The following NEK6 variants were observed in gnomAD, a reference collection of about 807,000 sequenced individuals.
NEK6 encodes serine/threonine-protein kinase Nek6.
In NEK6, 27 loss-of-function variants were observed where a neutral mutation model predicts 43.5. The ratio of observed to expected loss-of-function variants is 0.62; its 90% CI spans 0.46 to 0.86. The LOEUF is 0.86. Among genes scored for constraint, NEK6 ranks in the 40% least tolerant of loss-of-function variants. The probability of loss-of-function intolerance (pLI) is 0.00; values close to 1 mark genes in which losing one functional copy is unlikely to be tolerated. For missense variants in NEK6, 318 were observed against 414.4 expected, an observed-to-expected ratio of 0.77 and a Z score of 2.02; for synonymous variants, 167 against 164.1, an observed-to-expected ratio of 1.02 and a Z score of -0.14.
At chr9:124,321,951 A>C (rs1834086243) in intron 5 of NEK6, among the ~76,000 whole-genome samples, 1 of 152,224 alleles carries the variant, frequency 6.6e-6, no homozygotes, top group African/African-American at 2.4e-5. Flanking sequence ...CACATGAGCC[A>C]CTTCTCCTGC....
In NEK6 at chr9:124,346,178, G is replaced by T. The variant is rs117875182; in HGVS notation, c.718-1531G>T. 5.1e-3 allele frequency among the ~76,000 whole-genome samples: 780 copies of T among 152,298 alleles called. 1 individual carries two copies. Among genetic ancestry groups the T allele is most frequent in the Non-Finnish European group, 7.8e-3 (530 of 68,016 alleles). Reference sequence around the variant, plus strand: ...TGGTCCCGAGGGTGCTGAACCTGGGGCTGAGGAAAGCCCACAGTCTCCAGG... The same window carrying T: ...TGGTCCCGAGGGTGCTGAACCTGGGTCTGAGGAAAGCCCACAGTCTCCAGG... On this transcript the variant is annotated intron_variant, in intron 8 of 9. Transcript: ENST00000320246.
chr9:124,300,237 G>T (rs1358094813), intron 1 of NEK6: 1 of 152,192 alleles, frequency 6.6e-6, no homozygotes, highest in Non-Finnish European at 1.5e-5. Context: ...GGTCTGGTCG[G>T]CCCACCACTG....
Position 124,312,492 on chromosome 9 carries a change from T to C in NEK6, c.91-17T>C. 6.2e-7 allele frequency: 1 copy of C among 1,610,172 alleles called. No homozygotes were observed. The highest frequency in any genetic ancestry group is 1.1e-5 in the South Asian group (1 of 90,500). ...GCAGCCTGGCTGCTCACGGAGGCCC[T>C]CTGTCCCCCGTTCCAGAGGCATCCC... On this transcript the variant is annotated splice_polypyrimidine_tract_variant and intron_variant, in intron 2 of 9. Coordinates refer to ENST00000320246, the MANE Select transcript of NEK6 (RefSeq NM_014397.6).
At position 124,339,606 on chromosome 9, in the gene NEK6, C is replaced by T. The variant is rs755926840; in HGVS notation, c.658C>T (p.His220Tyr). The T allele has an allele frequency of 6.2e-7, 1 of 1,614,120 alleles. No individual in the cohort carries two copies. The highest frequency in any genetic ancestry group is 8.5e-7 in the Non-Finnish European group (1 of 1,179,980). Residue 220 changes from histidine (H) to tyrosine (Y), a missense_variant, in exon 8 of 10, where the codon CAT (histidine) becomes TAT (tyrosine). This residue lies in a region of NEK6 where 239 missense variants were observed against 344.4 expected (regional missense o/e 0.69). Coordinates refer to ENST00000320246, the MANE Select transcript of NEK6 (RefSeq NM_014397.6). ...CTACTACATGTCACCGGAGAGGATC[C>T]ATGAGAACGGCTACAACTTCAAGTC... Reference protein sequence around the residue: ...TPYYMSPERIHENGYNFKSDI... With the variant: ...TPYYMSPERIYENGYNFKSDI...
At position 124,293,007 on chromosome 9, in the gene NEK6, C is replaced by T. The variant is rs768010229; in HGVS notation, c.-29-8929C>T. The T allele has an allele frequency of 4.5e-6, 7 of 1,560,100 alleles. No homozygotes were observed. In the Admixed American group the frequency reaches 1.1e-4, roughly 26 times the overall value. ...GCAGGAGGAGCAGAGCCTGCCAAGGCCTCGAGGTGAGAGCAAGATCATTTC... is the reference window on the plus strand; with the variant it reads ...GCAGGAGGAGCAGAGCCTGCCAAGGTCTCGAGGTGAGAGCAAGATCATTTC... On this transcript the variant is annotated intron_variant, in intron 1 of 9. Transcript: ENST00000320246.
At chr9:124,342,516 C>T (rs1319605804) in intron 8 of NEK6, among the ~76,000 whole-genome samples, 2 of 152,220 alleles carry the variant, frequency 1.3e-5, no homozygotes, top group African/African-American at 4.8e-5. Context: ...GGAATGAGGC[C>T]CTAGGGGTGA....
chr9:124,333,771 T>TC (rs1263310486), intron 7 of NEK6, among the ~76,000 whole-genome samples: 5 of 142,616 alleles, frequency 3.5e-5, no homozygotes, highest in Non-Finnish European at 7.5e-5. Context: ...ATCATTTCAG[T>TC]CCTTTTTTTT....
intron 7 of NEK6, among the ~76,000 whole-genome samples, 186 bp from the exon 8 acceptor site, chr9:124,339,385 C>T (rs568548393): frequency 6.6e-6 from 1 of 152,054 alleles, no homozygotes; most frequent in African/African-American, 2.4e-5. Flanking sequence ...AGCATGGGAA[C>T]CTCTAATCTG....
At chr9:124,304,035 T>A (rs1267643362) in intron 2 of NEK6, among the ~76,000 whole-genome samples, 1 of 152,228 alleles carries the variant, frequency 6.6e-6, no homozygotes, top group African/African-American at 2.4e-5. Context: ...TTAAGTGTAA[T>A]TAGTTACGAT....
intron 1 of NEK6, among the ~76,000 whole-genome samples, chr9:124,258,657 A>T (rs904416417): frequency 3.9e-5 from 6 of 152,146 alleles, no homozygotes; most frequent in Admixed American, 3.9e-4. Context: ...TTGCACAGTG[A>T]TGGCCCCCGA....
At chr9:124,350,092 G>A (rs1830172151) in intron 9 of NEK6, among the ~76,000 whole-genome samples, 1 of 152,182 alleles carries the variant, frequency 6.6e-6, no homozygotes, top group Non-Finnish European at 1.5e-5. Flanking sequence ...CTCTGGTTCA[G>A]GACCACCCAG....
intron 1 of NEK6, among the ~76,000 whole-genome samples, chr9:124,285,703 C>T (rs1832127290): frequency 6.6e-6 from 1 of 152,094 alleles, no homozygotes; most frequent in African/African-American, 2.4e-5. Context: ...AGAAAGGACA[C>T]GAGATAGCAG....
chr9:124,283,049 G>A (rs1260673378), intron 1 of NEK6, among the ~76,000 whole-genome samples: 1 of 152,258 alleles, frequency 6.6e-6, no homozygotes, highest in Non-Finnish European at 1.5e-5. Flanking sequence ...TTTTGGCAAA[G>A]GCCCTGTGAT....
chr9:124,307,845 C>A (rs1293747084), intron 2 of NEK6, among the ~76,000 whole-genome samples: 1 of 152,198 alleles, frequency 6.6e-6, no homozygotes, highest in Non-Finnish European at 1.5e-5. Context: ...CTGCAGCCCC[C>A]AAGGTTACCG....
chr9:124,310,395 T>C (rs539294762), intron 2 of NEK6, among the ~76,000 whole-genome samples: 9 of 152,338 alleles, frequency 5.9e-5, no homozygotes, highest in Admixed American at 2.0e-4. Context: ...TGGCACATGG[T>C]GGATAAAATC....
chr9:124,346,977 TGAG>T (rs1395811628), intron 8 of NEK6, among the ~76,000 whole-genome samples: 3 of 152,170 alleles, frequency 2.0e-5, no homozygotes, highest in Non-Finnish European at 4.4e-5. Flanking sequence ...ATTTTACAAA[TGAG>T]GAAACTGAAG....
rs1489270197 is a variant in NEK6, at chr9:124,343,195, C to T, written c.717+3530C>T. On this transcript the variant is annotated intron_variant, in intron 8 of 9. Transcript: ENST00000320246. This position sits in a 1 kb window ranked among gnomAD's most constrained non-coding sequence, Gnocchi z 5.1. ...ATTTGTTGGAGTGAGTGGGGCTGTG[C>T]GGCTCGCAGCTGGGGGGGCTGGACC... 2.8e-5 allele frequency among the ~76,000 whole-genome samples: 4 copies of T among 143,522 alleles called. No homozygotes were observed. Among genetic ancestry groups the T allele is most frequent in the African/African-American group, 7.8e-5 (3 of 38,572 alleles). 94.2% of individuals were successfully genotyped at this position (143,522 alleles called of 152,430 possible). A position where few individuals can be genotyped will look rare whatever the true frequency, so the allele number is the denominator to read the frequency against.
At chr9:124,297,850 A>G (rs2119105490) in intron 1 of NEK6, among the ~76,000 whole-genome samples, 1 of 152,288 alleles carries the variant, frequency 6.6e-6, no homozygotes, top group African/African-American at 2.4e-5. Flanking sequence ...TCGTCCTTCC[A>G]CGTCCCCTTT....
chr9:124,331,009 T>C (rs1036078633), intron 7 of NEK6, among the ~76,000 whole-genome samples: 1 of 152,184 alleles, frequency 6.6e-6, no homozygotes. Context: ...CCGCCTGTGA[T>C]CTCAGCACTT....
Sources: allele counts gnomAD v4.1 joint callset (sites outside exome capture counted in the v4.1 genomes callset), GRCh38; gene constraint gnomAD v4.1.1; regional missense constraint gnomAD v4.1.1; non-coding constraint Gnocchi (gnomAD v3.1); transcripts MANE v1.5; gene names NCBI Gene and HGNC (gene_info 2026-07-23, HGNC 2026-07-21).